Variants in FAM13B observed in about 807,000 individuals in gnomAD.
FAM13B encodes the protein family with sequence similarity 13 member B.
A neutral mutation model predicts 117.3 loss-of-function variants in FAM13B; 60 were observed. The observed-to-expected ratio is 0.51, with a 90% CI of 0.42 to 0.63. The LOEUF is 0.63. FAM13B is among the 30% of genes least tolerant of loss of function. FAM13B has a pLI of 0.00. For missense variants in FAM13B, 972 were observed against 1,091.9 expected (o/e 0.89, Z 1.55); for synonymous variants, 332 against 356.1 (o/e 0.93, Z 0.76).
intron 1 of FAM13B, among the ~76,000 whole-genome samples, chr5:138,046,041 G>A (rs1791632605): frequency 6.6e-6 from 1 of 152,188 alleles, no homozygotes; most frequent in African/African-American, 2.4e-5. Context: ...GAGGGATGCA[G>A]TGGGAAGTAA....
intron 10 of FAM13B, among the ~76,000 whole-genome samples, chr5:137,984,765 T>C (rs111700547): frequency 0.036 from 5,272 of 145,278 alleles, 138 homozygotes; most frequent in Middle Eastern, 0.064. Flanking sequence ...TAAAATAAGT[T>C]GTTTTTTTTT....
chr5:138,007,265 T>C (rs1013986405), intron 6 of FAM13B, 118 bp from the exon 7 acceptor site: 3 of 782,036 alleles, frequency 3.8e-6, no homozygotes, highest in African/African-American at 3.5e-5. Context: ...CCTCATTTCC[T>C]AGGACCAATC....
At chr5:138,026,311 T>C (rs1355931500) in intron 1 of FAM13B, among the ~76,000 whole-genome samples, 1 of 152,010 alleles carries the variant, frequency 6.6e-6, no homozygotes, top group Non-Finnish European at 1.5e-5. Flanking sequence ...ATATAAACCA[T>C]ACTTCAACAA....
chr5:138,047,829 C>A (rs1352735694), intron 1 of FAM13B, among the ~76,000 whole-genome samples: 2 of 152,224 alleles, frequency 1.3e-5, no homozygotes, highest in East Asian at 3.9e-4. Context: ...CAAACAGATT[C>A]TTTCCTATAG....
chr5:138,010,656 C>A (rs1178033625), intron 6 of FAM13B, among the ~76,000 whole-genome samples: 2 of 152,088 alleles, frequency 1.3e-5, no homozygotes, highest in Admixed American at 6.5e-5. Flanking sequence ...TTTCCCTCTA[C>A]TTTAAATTTC....
intron 20 of FAM13B, among the ~76,000 whole-genome samples, chr5:137,943,777 T>TAA (rs1022787715): frequency 6.6e-6 from 1 of 152,148 alleles, no homozygotes; most frequent in Admixed American, 6.5e-5. Flanking sequence ...AGAACATACA[T>TAA]ATAGTTTAAT....
chr5:138,015,423 C>CA (rs1265979029), intron 4 of FAM13B, among the ~76,000 whole-genome samples: 1 of 152,234 alleles, frequency 6.6e-6, no homozygotes, highest in Non-Finnish European at 1.5e-5. Flanking sequence ...TTATCTACAG[C>CA]TGGGTGCCAT....
At chr5:138,009,060 A>G (rs1371411940) in intron 6 of FAM13B, among the ~76,000 whole-genome samples, 1 of 152,228 alleles carries the variant, frequency 6.6e-6, no homozygotes, top group Non-Finnish European at 1.5e-5. Flanking sequence ...GAATTGCCTG[A>G]ACCCAGGAGG....
chr5:137,988,533 C>T (rs1163107520), intron 7 of FAM13B, among the ~76,000 whole-genome samples: 1 of 152,166 alleles, frequency 6.6e-6, no homozygotes, highest in Admixed American at 6.5e-5. Flanking sequence ...AAAAACGTAT[C>T]ACTAACAAGA....
chr5:137,969,518 A>T (rs1771326128), intron 10 of FAM13B, among the ~76,000 whole-genome samples: 1 of 152,248 alleles, frequency 6.6e-6, no homozygotes, highest in Non-Finnish European at 1.5e-5. Context: ...GAAAAAACAG[A>T]GCAGAAAAAC....
At chr5:137,978,471 T>C (rs1046053126) in intron 10 of FAM13B, among the ~76,000 whole-genome samples, 5 of 152,106 alleles carry the variant, frequency 3.3e-5, no homozygotes, top group Admixed American at 6.6e-5. Flanking sequence ...TCCTGGGTAT[T>C]CTTAAATTTT....
intron 7 of FAM13B, among the ~76,000 whole-genome samples, chr5:138,006,010 T>C (rs1010189931): frequency 1.3e-5 from 2 of 151,938 alleles, no homozygotes; most frequent in African/African-American, 4.8e-5. Flanking sequence ...GCCATTCTCC[T>C]GCCTCAGCCT....
intron 10 of FAM13B, among the ~76,000 whole-genome samples, chr5:137,978,459 G>A (rs1774669632): frequency 6.6e-6 from 1 of 150,646 alleles, no homozygotes; most frequent in African/African-American, 2.4e-5. Flanking sequence ...TAAATATATT[G>A]TTCCTGGGTA....
At chr5:137,946,575 C>A (rs535120319) in intron 18 of FAM13B, among the ~76,000 whole-genome samples, 1 of 152,276 alleles carries the variant, frequency 6.6e-6, no homozygotes, top group African/African-American at 2.4e-5. Flanking sequence ...ATGAATATGG[C>A]TTGGGTAAAT....
At chr5:137,987,273 T>TG (rs1777475292) in intron 9 of FAM13B, among the ~76,000 whole-genome samples, 188 bp downstream of exon 9, 1 of 151,994 alleles carries the variant, frequency 6.6e-6, no homozygotes, top group East Asian at 1.9e-4. Flanking sequence ...ACATATATTA[T>TG]GAAAAAAGTG....
intron 1 of FAM13B, chr5:138,038,591 T>C (rs1791369830): frequency 6.6e-6 from 1 of 152,210 alleles, no homozygotes; most frequent in South Asian, 2.1e-4. Context: ...TTGCTGGCTC[T>C]TCCAAGAAAT....
chr5:137,960,631 G>T (rs924402277), intron 11 of FAM13B, among the ~76,000 whole-genome samples: 3 of 151,960 alleles, frequency 2.0e-5, no homozygotes, highest in African/African-American at 4.8e-5. Context: ...TTTTAAAAAG[G>T]TATCACTATG....
intron 1 of FAM13B, among the ~76,000 whole-genome samples, chr5:138,038,297 T>C (rs1168028584): frequency 6.6e-6 from 1 of 152,172 alleles, no homozygotes; most frequent in Non-Finnish European, 1.5e-5. Flanking sequence ...TAGAAGCATA[T>C]TTACACTGCC....
At chr5:137,969,204 T>C (rs1179037844) in intron 10 of FAM13B, among the ~76,000 whole-genome samples, 1 of 152,226 alleles carries the variant, frequency 6.6e-6, no homozygotes, top group African/African-American at 2.4e-5. Context: ...CAGACTTAAA[T>C]GTCCCTGTCT....
Sources: gnomAD v4.1 joint callset for allele counts (sites outside exome capture counted in the v4.1 genomes callset) on GRCh38, gnomAD v4.1.1 for gene constraint, MANE v1.5 for transcripts, NCBI Gene and HGNC (gene_info 2026-07-23, HGNC 2026-07-21) for gene names.